The following SEMA5A variants were observed in gnomAD, a reference collection of about 807,000 sequenced individuals.
The protein encoded by SEMA5A is semaphorin-5A.
SEMA5A carries 55 observed loss-of-function variants against 135.5 expected under a neutral mutation model. The observed-to-expected ratio is 0.41, with a 90% CI of 0.33 to 0.51. The LOEUF is 0.51. Among genes scored for constraint, SEMA5A ranks in the 20% least tolerant of loss-of-function variants. The pLI is 0.37. For missense variants in SEMA5A, 1,290 were observed against 1,419.9 expected (o/e 0.91, Z 1.47); for synonymous variants, 580 against 546.5 (o/e 1.06, Z -0.85).
intron 15 of SEMA5A, among the ~76,000 whole-genome samples, chr5:9,114,087 G>T (rs1463577315): frequency 6.6e-6 from 1 of 152,156 alleles, no homozygotes; most frequent in Non-Finnish European, 1.5e-5. Context: ...ACAAAATGTG[G>T]TATAGCCATA....
At chr5:9,335,123 G>A (rs1399585670) in intron 4 of SEMA5A, among the ~76,000 whole-genome samples, 3 of 151,736 alleles carry the variant, frequency 2.0e-5, no homozygotes, top group Non-Finnish European at 3.0e-5. Context: ...GGATGGAGAC[G>A]ACAGGGATGC....
intron 8 of SEMA5A, among the ~76,000 whole-genome samples, chr5:9,223,867 A>C (rs1287446176): frequency 1.3e-5 from 2 of 152,152 alleles, no homozygotes; most frequent in African/African-American, 2.4e-5. Context: ...CTCAATTTGG[A>C]TGGTTGTCAC....
rs1308623776 is a variant in SEMA5A at position 9,225,404 on chromosome 5, A to G, written c.433-517T>C. On this transcript the variant is annotated intron_variant, in intron 7 of 22. Coordinates refer to ENST00000382496, the MANE Select transcript of SEMA5A (RefSeq NM_003966.3). Reference sequence around the variant, plus strand: ...CCATCTCTACTAAAAAAAAAAAAAAAAAAAAAAAAAAAAAATTAGCCACGC... The same window carrying G: ...CCATCTCTACTAAAAAAAAAAAAAAGAAAAAAAAAAAAAAATTAGCCACGC... Among the ~76,000 whole-genome samples, 6 of 148,118 alleles carry G rather than the reference A, an allele frequency of 4.1e-5. No homozygotes were observed. In the East Asian group the frequency reaches 9.9e-4, roughly 25 times the overall value.
intron 17 of SEMA5A, 110 bp from the exon 18 acceptor site, chr5:9,063,215 T>A: frequency 9.3e-7 from 1 of 1,073,328 alleles, no homozygotes; most frequent in Non-Finnish European, 1.4e-6. Context: ...AGAACTACCC[T>A]CTCACATTCC....
At chr5:9,529,388 G>A (rs1478632066) in intron 1 of SEMA5A, among the ~76,000 whole-genome samples, 1 of 152,228 alleles carries the variant, frequency 6.6e-6, no homozygotes, top group Non-Finnish European at 1.5e-5. Flanking sequence ...TGCCCCTGTG[G>A]GAAGCCAAGA....
intron 1 of SEMA5A, among the ~76,000 whole-genome samples, chr5:9,448,960 TTTGG>T (rs1310137806): frequency 6.6e-6 from 1 of 152,206 alleles, no homozygotes; most frequent in East Asian, 1.9e-4. Flanking sequence ...AGAACAACAG[TTTGG>T]TTGGTGGGAA....
At chr5:9,530,305 A>G (rs1356164185) in intron 1 of SEMA5A, among the ~76,000 whole-genome samples, 1 of 152,204 alleles carries the variant, frequency 6.6e-6, no homozygotes, top group Non-Finnish European at 1.5e-5. Context: ...AGAGATTTCC[A>G]TCTTGTATGA....
At chr5:9,216,300 T>C (rs1248454278) in intron 8 of SEMA5A, among the ~76,000 whole-genome samples, 4 of 152,242 alleles carry the variant, frequency 2.6e-5, no homozygotes, top group East Asian at 3.9e-4. Context: ...GTTTTTTGAG[T>C]GATTTTCTTA....
intron 1 of SEMA5A, among the ~76,000 whole-genome samples, chr5:9,444,290 C>T (rs1053051161): frequency 6.6e-6 from 1 of 151,882 alleles, no homozygotes; most frequent in Non-Finnish European, 1.5e-5. Context: ...GCACCCATTA[C>T]CTGAGCAGTA....
At chr5:9,508,003 C>CAAAAAAA (rs767047665) in intron 1 of SEMA5A, among the ~76,000 whole-genome samples, 1 of 26,320 alleles carries the variant, frequency 3.8e-5, no homozygotes, top group Non-Finnish European at 9.2e-5. Context: ...GACTCTGTCT[C>CAAAAAAA]AAAAAAAAAA....
chr5:9,429,733 A>G (rs1450801361), intron 2 of SEMA5A, among the ~76,000 whole-genome samples: 1 of 152,252 alleles, frequency 6.6e-6, no homozygotes, highest in East Asian at 1.9e-4. Flanking sequence ...AAGACTGAGC[A>G]AGGAAAGTGG....
intron 16 of SEMA5A, among the ~76,000 whole-genome samples, chr5:9,083,551 A>G (rs1377838795): frequency 2.6e-5 from 4 of 151,938 alleles, no homozygotes; most frequent in Non-Finnish European, 4.4e-5. Flanking sequence ...CAGTTATGAT[A>G]ATCAAAATAT....
At chr5:9,270,525 T>C (rs923877290) in intron 5 of SEMA5A, among the ~76,000 whole-genome samples, 3 of 152,086 alleles carry the variant, frequency 2.0e-5, no homozygotes, top group Non-Finnish European at 4.4e-5. Context: ...TTCTAGATTC[T>C]GGCCAGAAAA....
chr5:9,051,481 T>C (rs1308404941), intron 20 of SEMA5A, among the ~76,000 whole-genome samples: 1 of 152,204 alleles, frequency 6.6e-6, no homozygotes, highest in Non-Finnish European at 1.5e-5. Context: ...AAAGATAGCA[T>C]AAAGAGAATG....
chr5:9,487,242 G>A (rs954102447), intron 1 of SEMA5A, among the ~76,000 whole-genome samples: 2 of 152,270 alleles, frequency 1.3e-5, no homozygotes, highest in South Asian at 2.1e-4. Context: ...ATTAATTATG[G>A]TCTTACGTGG....
chr5:9,192,444 T>C (rs1298212755), intron 10 of SEMA5A, among the ~76,000 whole-genome samples: 3 of 152,160 alleles, frequency 2.0e-5, no homozygotes, highest in African/African-American at 7.2e-5. Context: ...CAACTAATGG[T>C]GAATGGTAAA....
chr5:9,486,919 G>A (rs140179095), intron 1 of SEMA5A, among the ~76,000 whole-genome samples: 1,892 of 152,102 alleles, frequency 0.012, 35 homozygotes, highest in African/African-American at 0.042. Flanking sequence ...AAATTGTTGT[G>A]ATTTTGAAAT....
intron 5 of SEMA5A, among the ~76,000 whole-genome samples, chr5:9,299,133 C>A (rs79036914): frequency 1.3e-5 from 2 of 152,206 alleles, no homozygotes; most frequent in East Asian, 3.9e-4. Flanking sequence ...AAGGGGGCAT[C>A]TTTACCTAAT....
At chr5:9,462,983 G>GT (rs1759112995) in intron 1 of SEMA5A, among the ~76,000 whole-genome samples, 1 of 110,912 alleles carries the variant, frequency 9.0e-6, no homozygotes, top group Non-Finnish European at 1.9e-5. Flanking sequence ...TAAAATAAAA[G>GT]TTAAAAAAAA....
Sources: allele counts gnomAD v4.1 joint callset (sites outside exome capture counted in the v4.1 genomes callset), GRCh38; gene constraint gnomAD v4.1.1; transcripts MANE v1.5; gene names NCBI Gene and HGNC (gene_info 2026-07-23, HGNC 2026-07-21).